The following SLC19A2 variants were observed in gnomAD, a reference collection of about 807,000 sequenced individuals.
The protein encoded by SLC19A2 is solute carrier family 19 member 2, also known as thiamine transporter 1.
SLC19A2 carries 27 observed loss-of-function variants against 44.7 expected under a neutral mutation model. The ratio of observed to expected loss-of-function variants is 0.60; its 90% CI spans 0.45 to 0.83. The LOEUF (loss-of-function observed/expected upper bound fraction) is 0.83, where lower values mean the gene tolerates loss of function less well. Among genes scored for constraint, SLC19A2 ranks in the 40% least tolerant of loss-of-function variants. SLC19A2 has a pLI of 0.00. For missense variants in SLC19A2, 566 were observed against 613.7 expected, an observed-to-expected ratio of 0.92 and a Z score of 0.82; for synonymous variants, 239 against 243.6, an observed-to-expected ratio of 0.98 and a Z score of 0.18.
intron 1 of SLC19A2, among the ~76,000 whole-genome samples, chr1:169,482,149 C>T (rs141451896): frequency 3.5e-4 from 53 of 151,636 alleles, no homozygotes; most frequent in African/African-American, 1.1e-3. Flanking sequence ...TGCAGTGAGC[C>T]GAGATCACGC....
chr1:169,476,315 C>T (rs1658307928), intron 2 of SLC19A2, among the ~76,000 whole-genome samples: 1 of 152,140 alleles, frequency 6.6e-6, no homozygotes, highest in East Asian at 1.9e-4. Flanking sequence ...GTGATCTCTT[C>T]GTCTGTATTA....
In SLC19A2 at chr1:169,468,260, A is replaced by G. The variant is rs751410694; in HGVS notation, c.1224-8T>C. On this transcript the variant is annotated splice_polypyrimidine_tract_variant and splice_region_variant and intron_variant, in intron 4 of 5. Coordinates refer to ENST00000236137, the MANE Select transcript of SLC19A2 (RefSeq NM_006996.3). ...TTTGCAGCAATTTGAAAACTTAAAA[A>G]AAAATAAAAGAGTGAATAAATAAGA... 2.5e-6 allele frequency: 4 copies of G among 1,611,346 alleles called. No individual in the cohort carries two copies. The African/African-American group carries it at 4.0e-5, about 16-fold the overall frequency.
intron 2 of SLC19A2, among the ~76,000 whole-genome samples, chr1:169,471,757 C>G (rs746993847): frequency 6.6e-6 from 1 of 150,920 alleles, no homozygotes; most frequent in East Asian, 2.0e-4. Context: ...ATTTTCTCCT[C>G]TTATATACAG....
chr1:169,466,396 GATAGGTGGGTACAA>G (rs745525132), intron 5 of SLC19A2, among the ~76,000 whole-genome samples: 600 of 152,270 alleles, frequency 3.9e-3, no homozygotes, highest in Non-Finnish European at 5.0e-3. Flanking sequence ...CCTTCAAGCT[GATAGGTGGGTACAA>G]ATAGGCCAAA....
intron 5 of SLC19A2, 81 bp downstream of exon 5, chr1:169,468,030 G>T: frequency 7.1e-7 from 1 of 1,414,658 alleles, no homozygotes; most frequent in Non-Finnish European, 1.0e-6. Flanking sequence ...GTTTGGATTT[G>T]TTTTCATTAA....
At chr1:169,483,327 G>T (rs2101785689) in intron 1 of SLC19A2, among the ~76,000 whole-genome samples, 1 of 152,006 alleles carries the variant, frequency 6.6e-6, no homozygotes, top group Admixed American at 6.5e-5. Flanking sequence ...TTATTTAACT[G>T]TCCATGGCAA....
Position 169,466,526 on chromosome 1 carries a change from A to AT in SLC19A2, c.1366-550dup, listed in dbSNP as rs11325398. Among the ~76,000 whole-genome samples, 1,001 of 149,176 alleles carry AT rather than the reference A, an allele frequency of 6.7e-3. 10 individuals are homozygous for AT. The highest frequency in any genetic ancestry group is 0.023 in the African/African-American group (946 of 40,586). ...AATGTAAGAATTCTTCCCTAAGACA[A>AT]TTTTTTTTTTTTAAGTTCTGGGGTA... On this transcript the variant is annotated intron_variant, in intron 5 of 5. Transcript: ENST00000236137.
chr1:169,484,465 C>T (rs72706084), intron 1 of SLC19A2, among the ~76,000 whole-genome samples: 13,015 of 152,044 alleles, frequency 0.086, 756 homozygotes, highest in Admixed American at 0.19. Flanking sequence ...GTGGAAGGAA[C>T]AGGTGTAGGA....
At chr1:169,485,452 G>A in intron 1 of SLC19A2, 111 bp downstream of exon 1, 1 of 1,264,696 alleles carries the variant, frequency 7.9e-7, no homozygotes, top group Non-Finnish European at 1.1e-6. Flanking sequence ...GGCAAAATCA[G>A]AAATCTCTGC....
chr1:169,469,381 C>A (rs1184140103), intron 3 of SLC19A2, among the ~76,000 whole-genome samples: 1 of 152,098 alleles, frequency 6.6e-6, no homozygotes, highest in African/African-American at 2.4e-5. Flanking sequence ...TAGAAATGAA[C>A]AATAGAGTAA....
Position 169,485,929 on chromosome 1 carries a change from C to T in SLC19A2, c.-163G>A. The T allele has an allele frequency of 1.2e-6, 1 of 829,054 alleles. No homozygotes were observed. Among genetic ancestry groups the T allele is most frequent in the East Asian group, 2.7e-5 (1 of 37,140 alleles). 51.4% of individuals were successfully genotyped at this position (829,054 alleles called of 1,614,324 possible). ...TCCGGCTACAGAACCCCCAGCTTTA[C>T]CCTACAGACGCCTCTAGGGTCGCTG... On this transcript the variant is annotated 5_prime_UTR_variant, in exon 1 of 6. Transcript: ENST00000236137.
chr1:169,484,328 T>C (rs1658504913), intron 1 of SLC19A2, among the ~76,000 whole-genome samples: 1 of 152,226 alleles, frequency 6.6e-6, no homozygotes, highest in South Asian at 2.1e-4. Context: ...TGCCATCTCT[T>C]GTTCTGACCT....
At chr1:169,479,100 A>G (rs545723123) in intron 1 of SLC19A2, among the ~76,000 whole-genome samples, 5 of 152,202 alleles carry the variant, frequency 3.3e-5, no homozygotes, top group Non-Finnish European at 7.3e-5. Context: ...ACTATTCAAT[A>G]AATGCTTTGA....
intron 1 of SLC19A2, among the ~76,000 whole-genome samples, chr1:169,480,249 G>T (rs769986037): frequency 2.6e-5 from 4 of 152,154 alleles, no homozygotes; most frequent in Non-Finnish European, 4.4e-5. Flanking sequence ...GAGATTTCCA[G>T]TTGTGTTCTA....
rs750915834 is a variant in SLC19A2, at chr1:169,468,255, T to TA, written c.1224-4dup. 275 of 1,596,010 alleles carry TA rather than the reference T, an allele frequency of 1.7e-4. No homozygotes were observed. Among genetic ancestry groups the TA allele is most frequent in the Non-Finnish European group, 2.0e-4 (234 of 1,167,010 alleles). On this transcript the variant is annotated splice_region_variant and splice_polypyrimidine_tract_variant and intron_variant, in intron 4 of 5. Transcript: ENST00000236137. ...TGAGGTTTGCAGCAATTTGAAAACT[T>TA]AAAAAAAAATAAAAGAGTGAATAAA...
chr1:169,468,305 TA>T lies in SLC19A2; in HGVS notation c.1224-54del, dbSNP rs796181130. 7.2e-5 allele frequency: 102 copies of T among 1,422,250 alleles called. No individual in the cohort carries two copies. In the African/African-American group the frequency reaches 1.2e-3, roughly 17 times the overall value. The allele number at this position is 1,422,250 out of a possible 1,614,324, so 88.1% of individuals were successfully genotyped here. A position where few individuals can be genotyped will look rare whatever the true frequency, so the allele number is the denominator to read the frequency against. ...ATAAGAATTACTTCTGGAGTACTTA[TA>T]ATATTTATTCTAAATAAAAGTAAAC... On this transcript the variant is annotated intron_variant, in intron 4 of 5. Coordinates refer to ENST00000236137, the MANE Select transcript of SLC19A2 (RefSeq NM_006996.3).
intron 1 of SLC19A2, among the ~76,000 whole-genome samples, chr1:169,481,023 G>T (rs1333141344): frequency 6.6e-6 from 1 of 152,196 alleles, no homozygotes; most frequent in African/African-American, 2.4e-5. Context: ...ATAGGGGAGA[G>T]GGGGAAGACC....
intron 2 of SLC19A2, among the ~76,000 whole-genome samples, chr1:169,474,417 A>C (rs1320859651): frequency 6.6e-6 from 1 of 152,186 alleles, no homozygotes; most frequent in Non-Finnish European, 1.5e-5. Context: ...ACTCAAAATA[A>C]ATCAGTTTCA....
chr1:169,485,889 G>A lies in SLC19A2; in HGVS notation c.-123C>T. On this transcript the variant is annotated 5_prime_UTR_variant, in exon 1 of 6. Transcript: ENST00000236137. ...TCTCCCTGTAAGGCCAGGACGTTCT[G>A]GACTCGCCGCCGCCTCCGGCTACAG... The A allele has an allele frequency of 4.3e-6, 5 of 1,171,472 alleles. No individual in the cohort carries two copies. Among genetic ancestry groups the A allele is most frequent in the Middle Eastern group, 5.9e-4 (2 of 3,380 alleles). The allele number at this position is 1,171,472 out of a possible 1,614,324, so 72.6% of individuals were successfully genotyped here.
Sources: gnomAD v4.1 joint callset for allele counts (sites outside exome capture counted in the v4.1 genomes callset) on GRCh38, gnomAD v4.1.1 for gene constraint, MANE v1.5 for transcripts, NCBI Gene and HGNC (gene_info 2026-07-23, HGNC 2026-07-21) for gene names.